Variants in PDE11A observed in about 807,000 individuals in gnomAD.
PDE11A encodes the protein dual 3',5'-cyclic-AMP and -GMP phosphodiesterase 11A.
In PDE11A, 100 loss-of-function variants were observed where a neutral mutation model predicts 100.5. That is an observed-to-expected ratio of 1.00 (90% CI 0.85 to 1.18). The LOEUF (loss-of-function observed/expected upper bound fraction) is 1.18. PDE11A is among the 50% of genes most tolerant of loss of function. The pLI is 0.00. For synonymous variants in PDE11A, 381 were observed against 420.8 expected (o/e 0.91, Z 1.16); for missense variants, 1,141 against 1,152.6 (o/e 0.99, Z 0.15).
intron 19 of PDE11A, among the ~76,000 whole-genome samples, chr2:177,650,622 T>C (rs2080293471): frequency 6.6e-6 from 1 of 152,216 alleles, no homozygotes; most frequent in African/African-American, 2.4e-5. Context: ...CTTCAGTAGA[T>C]TTCCTTTTAA....
chr2:177,695,033 C>A (rs1559146829), intron 15 of PDE11A, among the ~76,000 whole-genome samples: 1 of 150,514 alleles, frequency 6.6e-6, no homozygotes, highest in Middle Eastern at 3.4e-3. Flanking sequence ...TCTGTCTTTC[C>A]TATCGGATGC....
chr2:177,688,595 G>T (rs1574046166), intron 15 of PDE11A, among the ~76,000 whole-genome samples: 1 of 152,304 alleles, frequency 6.6e-6, no homozygotes, highest in African/African-American at 2.4e-5. Context: ...TTCTCACGCA[G>T]ATCATGGGGA....
Position 177,867,597 on chromosome 2 carries a change from G to A in PDE11A, c.1367+8262C>T, listed in dbSNP as rs370824243. ...ACAAAAATTAGCTGGGTGTGGTGGC[G>A]GGCCTGTAGTCCTAGCTACTCGGCA... On this transcript the variant is annotated intron_variant, in intron 5 of 19. Coordinates refer to ENST00000286063, the MANE Select transcript of PDE11A (RefSeq NM_016953.4). Among the ~76,000 whole-genome samples the A allele has an allele frequency of 1.3e-3, 193 of 152,114 alleles. 3 individuals carry two copies. The highest frequency in any genetic ancestry group is 4.2e-3 in the African/African-American group (175 of 41,512).
At chr2:177,828,539 A>T (rs1486159544) in intron 6 of PDE11A, among the ~76,000 whole-genome samples, 1 of 152,232 alleles carries the variant, frequency 6.6e-6, no homozygotes, top group Non-Finnish European at 1.5e-5. Context: ...GGGAAAAAAC[A>T]GATAAGAGGG....
chr2:177,741,353 A>G (rs2081869181), intron 10 of PDE11A, among the ~76,000 whole-genome samples: 1 of 152,116 alleles, frequency 6.6e-6, no homozygotes, highest in Non-Finnish European at 1.5e-5. Flanking sequence ...GCTCAACCAT[A>G]TGACTTCATT....
At chr2:177,991,859 A>C (rs2086009371) in intron 2 of PDE11A, among the ~76,000 whole-genome samples, 1 of 151,062 alleles carries the variant, frequency 6.6e-6, no homozygotes, top group African/African-American at 2.4e-5. Context: ...TTTCTTTTTA[A>C]TTGGGTACAT....
intron 10 of PDE11A, among the ~76,000 whole-genome samples, chr2:177,757,770 C>T (rs1042707302): frequency 6.6e-6 from 1 of 152,028 alleles, no homozygotes; most frequent in Non-Finnish European, 1.5e-5. Flanking sequence ...TGCTGGGGCC[C>T]CCAGCCTGGG....
chr2:177,819,860 T>C (rs796661168), intron 7 of PDE11A, among the ~76,000 whole-genome samples: 3 of 102,234 alleles, frequency 2.9e-5, no homozygotes, highest in African/African-American at 7.6e-5. Flanking sequence ...CTTTCTCTCT[T>C]TCTCTCTTTC....
chr2:177,941,445 G>C (rs562530822), intron 2 of PDE11A, among the ~76,000 whole-genome samples: 2 of 152,130 alleles, frequency 1.3e-5, no homozygotes, highest in South Asian at 4.2e-4. Flanking sequence ...ATTTTTCCTG[G>C]ATTGATTCAG....
At chr2:178,030,413 A>C (rs2086530675) in intron 1 of PDE11A, among the ~76,000 whole-genome samples, 1 of 152,194 alleles carries the variant, frequency 6.6e-6, no homozygotes, top group Non-Finnish European at 1.5e-5. Context: ...TTAAACATAC[A>C]CACACATCCT....
chr2:177,647,190 T>C lies in PDE11A; in HGVS notation c.2646+16676A>G, dbSNP rs144343863. ...CATCACCTGAAATTTCATAGAAATATATAAAACTATTATTTTTTCAAAGTT... is the reference window on the plus strand; with the variant it reads ...CATCACCTGAAATTTCATAGAAATACATAAAACTATTATTTTTTCAAAGTT... On this transcript the variant is annotated intron_variant, in intron 19 of 19. Transcript: ENST00000286063. Among the ~76,000 whole-genome samples the C allele has an allele frequency of 1.4e-4, 22 of 152,356 alleles. No individual in the cohort carries two copies. In the East Asian group the frequency reaches 4.2e-3, roughly 29 times the overall value.
intron 2 of PDE11A, among the ~76,000 whole-genome samples, chr2:177,969,576 T>G (rs1016900710): frequency 6.6e-6 from 1 of 152,270 alleles, no homozygotes; most frequent in East Asian, 1.9e-4. Flanking sequence ...CTGTAATATA[T>G]GATACTGAAA....
chr2:177,893,681 A>T (rs2084566889), intron 4 of PDE11A, among the ~76,000 whole-genome samples: 1 of 152,196 alleles, frequency 6.6e-6, no homozygotes, highest in Non-Finnish European at 1.5e-5. Context: ...CACTTTGCAT[A>T]AGGAAAAGCT....
intron 2 of PDE11A, among the ~76,000 whole-genome samples, chr2:177,983,923 T>C (rs1242910001): frequency 1.3e-5 from 2 of 152,160 alleles, no homozygotes; most frequent in African/African-American, 4.8e-5. Context: ...TGAAGGTGAT[T>C]GGAAGCTCTT....
At chr2:178,103,173 A>G (rs978996752) in intron 2 of PDE11A, among the ~76,000 whole-genome samples, 1 of 128,116 alleles carries the variant, frequency 7.8e-6, no homozygotes, top group African/African-American at 3.0e-5. Context: ...TGTTAAATAT[A>G]CATTTCCAGT....
chr2:177,981,149 T>C lies in PDE11A; in HGVS notation c.1071+33153A>G, dbSNP rs1301381480. On this transcript the variant is annotated intron_variant, in intron 2 of 19. Transcript: ENST00000286063. ...TTGACTTGTTAGTATCTTGGGAAGATAATAATAGCCTTCCTGAGATTGGTC... is the reference window on the plus strand; with the variant it reads ...TTGACTTGTTAGTATCTTGGGAAGACAATAATAGCCTTCCTGAGATTGGTC... Among the ~76,000 whole-genome samples the C allele has an allele frequency of 2.7e-5, 4 of 150,728 alleles. 1 individual carries two copies. The highest frequency in any genetic ancestry group is 6.6e-5 in the Admixed American group (1 of 15,102).
At chr2:178,042,321 G>C (rs1215610870) in intron 1 of PDE11A, among the ~76,000 whole-genome samples, 2 of 151,918 alleles carry the variant, frequency 1.3e-5, no homozygotes, top group Non-Finnish European at 2.9e-5. Flanking sequence ...CTCTACAAAA[G>C]AAAAAGATTA....
intron 2 of PDE11A, among the ~76,000 whole-genome samples, chr2:177,958,143 G>A (rs576180222): frequency 3.9e-5 from 6 of 151,982 alleles, no homozygotes; most frequent in African/African-American, 7.2e-5. Flanking sequence ...CACCTGCCTC[G>A]GCCTCCCAAG....
intron 12 of PDE11A, among the ~76,000 whole-genome samples, chr2:177,727,181 G>A (rs932593316): frequency 4.6e-5 from 7 of 151,902 alleles, no homozygotes; most frequent in Non-Finnish European, 8.8e-5. Context: ...TGGAGAGTGC[G>A]CACTCTTACC....
Sources: gnomAD v4.1 joint callset for allele counts (sites outside exome capture counted in the v4.1 genomes callset) on GRCh38, gnomAD v4.1.1 for gene constraint, MANE v1.5 for transcripts, NCBI Gene and HGNC (gene_info 2026-07-23, HGNC 2026-07-21) for gene names.